FAM135B: variants seen among roughly 807,000 people sequenced by gnomAD.
The protein encoded by FAM135B is protein FAM135B.
In FAM135B, 43 loss-of-function variants were observed where a neutral mutation model predicts 127.7. That is an observed-to-expected ratio of 0.34 (90% CI 0.26 to 0.43). The LOEUF is 0.43. Ranked by LOEUF, FAM135B falls within the 20% of genes least tolerant of loss-of-function variation. The probability of loss-of-function intolerance (pLI) is 1.00; values close to 1 mark genes in which losing one functional copy is unlikely to be tolerated. For synonymous variants in FAM135B, 670 were observed against 665.1 expected, an observed-to-expected ratio of 1.01 and a Z score of -0.11; for missense variants, 1,558 against 1,725.6, an observed-to-expected ratio of 0.90 and a Z score of 1.72.
intron 2 of FAM135B, among the ~76,000 whole-genome samples, chr8:138,314,785 TG>T: frequency 6.9e-6 from 1 of 145,260 alleles, no homozygotes; most frequent in Admixed American, 7.1e-5. Context: ...AGGGCTGAGG[TG>T]GGAAAATCAC....
intron 3 of FAM135B, among the ~76,000 whole-genome samples, chr8:138,309,397 G>A (rs1826495976): frequency 6.6e-6 from 1 of 151,730 alleles, no homozygotes; most frequent in South Asian, 2.1e-4. Context: ...GGAAAGAGGA[G>A]GAACACCTTG....
intron 2 of FAM135B, among the ~76,000 whole-genome samples, chr8:138,314,317 T>C (rs1378821558): frequency 1.3e-5 from 2 of 152,190 alleles, no homozygotes; most frequent in African/African-American, 2.4e-5. Context: ...TGGTTCAGCA[T>C]TTGTTAATTC....
intron 1 of FAM135B, among the ~76,000 whole-genome samples, chr8:138,461,434 GC>G (rs1017043556): frequency 6.6e-6 from 1 of 152,158 alleles, no homozygotes; most frequent in African/African-American, 2.4e-5. Flanking sequence ...GATTTGAGAA[GC>G]CCAGTGACAT....
chr8:138,371,950 G>A (rs750136059), intron 1 of FAM135B, among the ~76,000 whole-genome samples: 4 of 152,170 alleles, frequency 2.6e-5, no homozygotes, highest in Non-Finnish European at 4.4e-5. Context: ...TGATGCTTAC[G>A]AGCAGACCTT....
At chr8:138,163,616 G>A (rs1186438275) in intron 12 of FAM135B, among the ~76,000 whole-genome samples, 1 of 152,014 alleles carries the variant, frequency 6.6e-6, no homozygotes, top group Non-Finnish European at 1.5e-5. Context: ...TTCTCTCTTT[G>A]CCTGCTGCCA....
At chr8:138,280,471 C>T (rs1380413682) in intron 3 of FAM135B, among the ~76,000 whole-genome samples, 3 of 152,180 alleles carry the variant, frequency 2.0e-5, no homozygotes, top group Non-Finnish European at 4.4e-5. Flanking sequence ...CCTTTATATG[C>T]TGCTGGGGGC....
chr8:138,392,655 CT>C (rs1316388576), intron 1 of FAM135B, among the ~76,000 whole-genome samples: 1 of 152,178 alleles, frequency 6.6e-6, no homozygotes, highest in Non-Finnish European at 1.5e-5. Flanking sequence ...CACCCTTGAG[CT>C]TTGTGACCTT....
intron 2 of FAM135B, among the ~76,000 whole-genome samples, chr8:138,319,086 GT>G (rs5895514): frequency 0.98 from 148,512 of 151,714 alleles, 72,758 homozygotes; most frequent in Non-Finnish European, 1. Context: ...AAATCTACAA[GT>G]TTTTTTTTTT....
intron 1 of FAM135B, among the ~76,000 whole-genome samples, chr8:138,423,711 A>G (rs1834664884): frequency 6.6e-6 from 1 of 152,182 alleles, no homozygotes; most frequent in African/African-American, 2.4e-5. Flanking sequence ...ACATCTTATC[A>G]GGAGACAGGG....
chr8:138,210,414 C>T (rs1439208926), intron 7 of FAM135B, among the ~76,000 whole-genome samples: 1 of 152,106 alleles, frequency 6.6e-6, no homozygotes, highest in African/African-American at 2.4e-5. Context: ...CTATAACAAA[C>T]TCCCTGAGAC....
chr8:138,384,345 CATTT>C (rs10608773), intron 1 of FAM135B, among the ~76,000 whole-genome samples: 75,397 of 150,824 alleles, frequency 0.5, 20,511 homozygotes, highest in African/African-American at 0.71. Flanking sequence ...CCATAGGCTC[CATTT>C]ATTTATTTAT....
At chr8:138,267,405 G>A (rs1823020831) in intron 3 of FAM135B, among the ~76,000 whole-genome samples, 1 of 152,116 alleles carries the variant, frequency 6.6e-6, no homozygotes, top group South Asian at 2.1e-4. Context: ...ATGGAGCATT[G>A]CTATATAATG....
intron 5 of FAM135B, among the ~76,000 whole-genome samples, chr8:138,254,538 G>C (rs1359752763): frequency 1.3e-5 from 2 of 152,188 alleles, no homozygotes; most frequent in African/African-American, 4.8e-5. Context: ...GGGAAAATAG[G>C]AGCACAATAA....
rs111955602 is a variant in FAM135B at position 138,283,825 on chromosome 8, G to A, written c.158-17983C>T. 4.4e-3 allele frequency among the ~76,000 whole-genome samples: 662 copies of A among 152,140 alleles called. 8 individuals are homozygous for A. Among genetic ancestry groups the A allele is most frequent in the African/African-American group, 0.015 (617 of 41,520 alleles). ...GAGATTAGGGAAGACTTTCCAGGGAGGAAGAGATGCCTGAACTGAGAGGTG... is the reference window on the plus strand; with the variant it reads ...GAGATTAGGGAAGACTTTCCAGGGAAGAAGAGATGCCTGAACTGAGAGGTG... On this transcript the variant is annotated intron_variant, in intron 3 of 19. Coordinates refer to ENST00000395297, the MANE Select transcript of FAM135B (RefSeq NM_015912.4).
At position 138,302,207 on chromosome 8, in the gene FAM135B, C is replaced by T. The variant is rs965925248; in HGVS notation, c.157+8634G>A. 3.3e-5 allele frequency among the ~76,000 whole-genome samples: 5 copies of T among 151,896 alleles called. No homozygotes were observed. The East Asian group carries it at 9.7e-4, about 29-fold the overall frequency. On this transcript the variant is annotated intron_variant, in intron 3 of 19. Transcript: ENST00000395297. Reference sequence around the variant, plus strand: ...AATTCCAAGGAGGGGGGTGAGGAGTCCGAGGTCATCCAGTGTGAATGCGGG... The same window carrying T: ...AATTCCAAGGAGGGGGGTGAGGAGTTCGAGGTCATCCAGTGTGAATGCGGG...
In FAM135B at chr8:138,276,355, G is replaced by T. The variant is rs1387250420; in HGVS notation, c.158-10513C>A. Among the ~76,000 whole-genome samples the T allele has an allele frequency of 3.9e-5, 6 of 152,182 alleles. No homozygotes were observed. In the South Asian group the frequency reaches 8.3e-4, roughly 21 times the overall value. On this transcript the variant is annotated intron_variant, in intron 3 of 19. Transcript: ENST00000395297. ...AGTCACGGTCTCCAGGATGTGCCAAGGAGCACAGAGCTGTTTGCTAGTCCA... is the reference window on the plus strand; with the variant it reads ...AGTCACGGTCTCCAGGATGTGCCAATGAGCACAGAGCTGTTTGCTAGTCCA...
At position 138,242,918 on chromosome 8, in the gene FAM135B, G is replaced by A. The variant is rs1280808420; in HGVS notation, c.669+24C>T. 6.3e-7 allele frequency: 1 copy of A among 1,595,276 alleles called. No homozygotes were observed. The highest frequency in any genetic ancestry group is 8.5e-7 in the Non-Finnish European group (1 of 1,173,792). ...CAAAGTAAAGTTTGAAAGTTTTGAA[G>A]CAACTGCCCCACACAGGCCTTACCT... On this transcript the variant is annotated intron_variant, in intron 7 of 19. Transcript: ENST00000395297. The surrounding 1 kb of genome is among the most constrained non-coding windows in gnomAD (Gnocchi z 9.6).
intron 1 of FAM135B, chr8:138,477,567 GT>G (rs760510719): frequency 2.6e-5 from 4 of 152,094 alleles, no homozygotes; most frequent in Non-Finnish European, 5.9e-5. Context: ...CCCATTTTTT[GT>G]AAATGTAAGC....
chr8:138,167,975 G>T lies in FAM135B; in HGVS notation c.1178C>A (p.Ala393Glu), dbSNP rs1373691685. 6.2e-7 allele frequency: 1 copy of T among 1,614,008 alleles called. No individual in the cohort carries two copies. Among genetic ancestry groups the T allele is most frequent in the Non-Finnish European group, 8.5e-7 (1 of 1,179,942 alleles). ...EYLTSMPPLP[A>E]ECLDIDGDWN... ...ATCGCCGTCGATGTCCAGGCACTCT[G>T]CAGGCAGCGGGGGCATGCTAGTGAG... is the stretch of plus-strand genomic sequence containing the variant. The change falls in exon 12 of 20, where the codon GCA becomes GAA. Residue 393 changes from alanine (A) to glutamate (E), a missense_variant. Ala to Glu is a moderately radical substitution (Grantham distance 107). Coordinates refer to ENST00000395297, the MANE Select transcript of FAM135B (RefSeq NM_015912.4).
Sources: gnomAD v4.1 joint callset for allele counts (sites outside exome capture counted in the v4.1 genomes callset) on GRCh38, gnomAD v4.1.1 for gene constraint, Gnocchi (gnomAD v3.1) non-coding constraint, MANE v1.5 for transcripts, NCBI Gene and HGNC (gene_info 2026-07-23, HGNC 2026-07-21) for gene names.